KCNH7: variants seen among roughly 807,000 people sequenced by gnomAD.
KCNH7 encodes potassium voltage-gated channel subfamily H member 7.
A neutral mutation model predicts 120.8 loss-of-function variants in KCNH7; 49 were observed. That is an observed-to-expected ratio of 0.41 (90% CI 0.32 to 0.51). The LOEUF is 0.51. Among genes scored for constraint, KCNH7 ranks in the 20% least tolerant of loss-of-function variants. The pLI, the probability that KCNH7 is intolerant of heterozygous loss-of-function variation, is 0.38. For missense variants in KCNH7, 1,097 were observed against 1,446.6 expected (o/e 0.76, Z 3.92); for synonymous variants, 547 against 516.1 (o/e 1.06, Z -0.81).
intron 2 of KCNH7, among the ~76,000 whole-genome samples, chr2:162,689,143 C>CTATTATTATTAT (rs148007770): frequency 0.038 from 5,725 of 149,710 alleles, 127 homozygotes; most frequent in East Asian, 0.12. Context: ...CATTTAGTTA[C>CTATTATTATTAT]TATTATTATT....
At chr2:162,788,985 G>A (rs1683816912) in intron 2 of KCNH7, among the ~76,000 whole-genome samples, 1 of 66,172 alleles carries the variant, frequency 1.5e-5, no homozygotes, top group African/African-American at 5.2e-5. Context: ...GTCAGGTACT[G>A]GTTAAAAAAA....
intron 2 of KCNH7, among the ~76,000 whole-genome samples, chr2:162,557,755 A>G (rs183724363): frequency 1.3e-5 from 2 of 152,150 alleles, no homozygotes; most frequent in African/African-American, 2.4e-5. Flanking sequence ...ATTATAAACA[A>G]TGCGGAATAC....
intron 2 of KCNH7, among the ~76,000 whole-genome samples, chr2:162,814,321 G>A (rs1684838662): frequency 6.6e-6 from 1 of 152,132 alleles, no homozygotes; most frequent in South Asian, 2.1e-4. Context: ...TGATTCTGCA[G>A]CATTTCATCT....
chr2:162,698,716 C>A (rs1352201272), intron 2 of KCNH7, among the ~76,000 whole-genome samples: 1 of 152,006 alleles, frequency 6.6e-6, no homozygotes, highest in Non-Finnish European at 1.5e-5. Flanking sequence ...GCCTCAATTT[C>A]TTCATCTGTA....
At chr2:162,759,557 T>C (rs866642668) in intron 2 of KCNH7, among the ~76,000 whole-genome samples, 51 of 152,120 alleles carry the variant, frequency 3.4e-4, no homozygotes, top group South Asian at 4.2e-4. Flanking sequence ...TAAGGGCATG[T>C]CACAATAATT....
Position 162,601,994 on chromosome 2 carries a change from G to A in KCNH7, c.308-64914C>T, listed in dbSNP as rs191043828. 2.0e-3 allele frequency among the ~76,000 whole-genome samples: 302 copies of A among 152,192 alleles called. 2 individuals are homozygous for A. Among genetic ancestry groups the A allele is most frequent in the African/African-American group, 6.9e-3 (286 of 41,556 alleles). On this transcript the variant is annotated intron_variant, in intron 2 of 15. Coordinates refer to ENST00000332142, the MANE Select transcript of KCNH7 (RefSeq NM_033272.4). ...GAATGCTATAAGTCTCACTGGGAGAGGAACTGGAAGTTGAAATGTCCTTTT... is the reference window on the plus strand; with the variant it reads ...GAATGCTATAAGTCTCACTGGGAGAAGAACTGGAAGTTGAAATGTCCTTTT...
At position 162,659,019 on chromosome 2, in the gene KCNH7, A is replaced by G. The variant is rs578124552; in HGVS notation, c.308-121939T>C. 2.6e-5 allele frequency among the ~76,000 whole-genome samples: 4 copies of G among 152,330 alleles called. No individual in the cohort carries two copies. The East Asian group carries it at 5.8e-4, about 22-fold the overall frequency. ...CCAGTACAAGCCAAAAAAGAATGAC[A>G]TGAGGAGACACCCTTGCCTTGTTTC... On this transcript the variant is annotated intron_variant, in intron 2 of 15. Transcript: ENST00000332142.
At chr2:162,540,386 G>C (rs1433628699) in intron 2 of KCNH7, among the ~76,000 whole-genome samples, 2 of 152,010 alleles carry the variant, frequency 1.3e-5, no homozygotes, top group Non-Finnish European at 2.9e-5. Context: ...TAGAGTATGT[G>C]ATTTTTGACT....
intron 13 of KCNH7, among the ~76,000 whole-genome samples, chr2:162,384,385 G>T (rs1209337900): frequency 6.6e-6 from 1 of 151,728 alleles, no homozygotes; most frequent in Non-Finnish European, 1.5e-5. Context: ...AAATATTCAT[G>T]GGTCCTCTCT....
chr2:162,819,503 C>T (rs1685029784), intron 2 of KCNH7, among the ~76,000 whole-genome samples: 1 of 152,136 alleles, frequency 6.6e-6, no homozygotes, highest in African/African-American at 2.4e-5. Context: ...AATATGTTTG[C>T]AACTCTTCTG....
chr2:162,372,336 A>T (rs1399521152), intron 15 of KCNH7, among the ~76,000 whole-genome samples: 2 of 152,142 alleles, frequency 1.3e-5, no homozygotes, highest in African/African-American at 4.8e-5. Flanking sequence ...TTTAAAAATC[A>T]GATTTAAAAA....
intron 6 of KCNH7, among the ~76,000 whole-genome samples, chr2:162,467,439 C>A (rs975903238): frequency 6.6e-6 from 1 of 152,084 alleles, no homozygotes; most frequent in South Asian, 2.1e-4. Context: ...TTTATTAGTT[C>A]TCTGAGGGCT....
At chr2:162,579,615 T>C (rs564824396) in intron 2 of KCNH7, among the ~76,000 whole-genome samples, 1 of 152,120 alleles carries the variant, frequency 6.6e-6, no homozygotes, top group South Asian at 2.1e-4. Flanking sequence ...TCCAGGGATA[T>C]TGGCAGATAA....
At chr2:162,476,678 A>G (rs1689759825) in intron 6 of KCNH7, among the ~76,000 whole-genome samples, 1 of 152,214 alleles carries the variant, frequency 6.6e-6, no homozygotes, top group South Asian at 2.1e-4. Flanking sequence ...ATCTTGAGAT[A>G]ATTGATAAAA....
intron 2 of KCNH7, among the ~76,000 whole-genome samples, chr2:162,801,214 T>C (rs181225679): frequency 1.3e-4 from 19 of 151,712 alleles, no homozygotes; most frequent in Non-Finnish European, 5.9e-5. Context: ...TAAATAATAA[T>C]GGAACAAAGA....
At chr2:162,540,660 G>A (rs1458498705) in intron 2 of KCNH7, among the ~76,000 whole-genome samples, 1 of 152,058 alleles carries the variant, frequency 6.6e-6, no homozygotes, top group Non-Finnish European at 1.5e-5. Flanking sequence ...GGGAGAGTAG[G>A]CAAGGTCAAG....
chr2:162,513,240 TTCTCCCTTC>T (rs1691145804), intron 4 of KCNH7, among the ~76,000 whole-genome samples: 1 of 120,586 alleles, frequency 8.3e-6, no homozygotes, highest in Admixed American at 9.4e-5. Flanking sequence ...CTTCCTCCCT[TTCTCCCTTC>T]CCTCTTTCCC....
chr2:162,574,527 A>C (rs3860429), intron 2 of KCNH7, among the ~76,000 whole-genome samples: 86,144 of 151,902 alleles, frequency 0.57, 25,054 homozygotes, highest in Admixed American at 0.68. Context: ...AAGCTATTTA[A>C]TTAATAGACT....
intron 6 of KCNH7, among the ~76,000 whole-genome samples, chr2:162,456,858 A>G (rs1688979944): frequency 6.6e-6 from 1 of 152,024 alleles, no homozygotes; most frequent in South Asian, 2.1e-4. Flanking sequence ...TTTGCTTGTT[A>G]AATATTCCTC....
Sources: allele counts gnomAD v4.1 joint callset (sites outside exome capture counted in the v4.1 genomes callset), GRCh38; gene constraint gnomAD v4.1.1; transcripts MANE v1.5; gene names NCBI Gene and HGNC (gene_info 2026-07-23, HGNC 2026-07-21).